RGS7: variants seen among roughly 807,000 people sequenced by gnomAD.
The protein encoded by RGS7 is regulator of G protein signaling 7, also known as regulator of G-protein signaling 7.
RGS7 carries 27 observed loss-of-function variants against 81.1 expected under a neutral mutation model. That is an observed-to-expected ratio of 0.33 (90% CI 0.25 to 0.46). The LOEUF is 0.46. RGS7 is among the 20% of genes least tolerant of loss of function. The pLI, the probability that RGS7 is intolerant of heterozygous loss-of-function variation, is 1.00. For synonymous variants in RGS7, 208 were observed against 207.7 expected, an observed-to-expected ratio of 1.00 and a Z score of -0.01; for missense variants, 396 against 607.4, an observed-to-expected ratio of 0.65 and a Z score of 3.66.
At chr1:240,881,406 G>A (rs1572568815) in intron 6 of RGS7, among the ~76,000 whole-genome samples, 1 of 152,198 alleles carries the variant, frequency 6.6e-6, no homozygotes, top group East Asian at 1.9e-4. Flanking sequence ...TGTAAATGAC[G>A]AGTTAATGGG....
intron 3 of RGS7, among the ~76,000 whole-genome samples, chr1:241,050,150 CG>C (rs1416395266): frequency 2.1e-4 from 32 of 152,182 alleles, no homozygotes; most frequent in African/African-American, 7.7e-4. Context: ...CCCTAAAGAA[CG>C]TGATCCCATT....
In RGS7 at chr1:240,900,753, G is replaced by C. The variant is rs189328502; in HGVS notation, c.385+29964C>G. Among the ~76,000 whole-genome samples, 567 of 152,308 alleles carry C rather than the reference G, an allele frequency of 3.7e-3. 5 individuals are homozygous for C. Among genetic ancestry groups the C allele is most frequent in the African/African-American group, 0.013 (542 of 41,576 alleles). On this transcript the variant is annotated intron_variant, in intron 6 of 18. Transcript: ENST00000440928. ...CTACTCGGGGGTCAGGGACCCACTT[G>C]AGGAGGCGGTCTGTCCATTCTCAGA...
chr1:240,813,554 TC>T, intron 13 of RGS7, 63 bp downstream of exon 13: 1 of 969,220 alleles, frequency 1.0e-6, no homozygotes, highest in Non-Finnish European at 1.7e-6. Context: ...ATAAAATCCT[TC>T]CCATTTCACT....
rs143325836 is a variant in RGS7 at position 240,791,133 on chromosome 1, A to G, written c.*6+9508T>C. On this transcript the variant is annotated intron_variant, in intron 18 of 18. Coordinates refer to ENST00000440928, the MANE Select transcript of RGS7 (RefSeq NM_001364886.1). ...GATGAACTTTTTTTCCCCCAGGAATAATAGAGCATTCTAGAGAATGTGCTT... is the reference window on the plus strand; with the variant it reads ...GATGAACTTTTTTTCCCCCAGGAATGATAGAGCATTCTAGAGAATGTGCTT... 7.4e-3 allele frequency among the ~76,000 whole-genome samples: 1,127 copies of G among 152,324 alleles called. 8 individuals are homozygous for G. Among genetic ancestry groups the G allele is most frequent in the Middle Eastern group, 0.044 (13 of 294 alleles).
At chr1:241,127,212 C>T (rs930362696) in intron 2 of RGS7, among the ~76,000 whole-genome samples, 1 of 151,986 alleles carries the variant, frequency 6.6e-6, no homozygotes, top group African/African-American at 2.4e-5. Context: ...GTTATTCTGA[C>T]AAATAAAAAA....
chr1:241,203,375 G>T (rs2073658938), intron 2 of RGS7, among the ~76,000 whole-genome samples: 2 of 152,070 alleles, frequency 1.3e-5, no homozygotes, highest in South Asian at 2.1e-4. Context: ...TGGGACTACA[G>T]GTGCCCACCA....
chr1:240,816,261 T>G, intron 11 of RGS7, 56 bp downstream of exon 11: 1 of 1,122,000 alleles, frequency 8.9e-7, no homozygotes, highest in Non-Finnish European at 1.4e-6. Flanking sequence ...TACCCTCTGG[T>G]TTTCATAGCT....
intron 3 of RGS7, among the ~76,000 whole-genome samples, chr1:241,006,388 A>T (rs1353154373): frequency 6.6e-6 from 1 of 152,184 alleles, no homozygotes; most frequent in East Asian, 1.9e-4. Flanking sequence ...TCTCCTCAGG[A>T]GCTTTACTGT....
At chr1:241,094,948 G>T (rs1027847512) in intron 3 of RGS7, among the ~76,000 whole-genome samples, 1 of 152,180 alleles carries the variant, frequency 6.6e-6, no homozygotes, top group Non-Finnish European at 1.5e-5. Context: ...AATCTTAGGG[G>T]CAACAGAGAC....
intron 6 of RGS7, among the ~76,000 whole-genome samples, chr1:240,908,487 GAATC>G (rs1483053964): frequency 3.3e-5 from 5 of 152,108 alleles, no homozygotes; most frequent in East Asian, 1.9e-4. Flanking sequence ...ATGAATGAAT[GAATC>G]AATCAATCAA....
chr1:241,348,009 A>G (rs2083011620), intron 2 of RGS7, among the ~76,000 whole-genome samples: 1 of 152,192 alleles, frequency 6.6e-6, no homozygotes, highest in Non-Finnish European at 1.5e-5. Flanking sequence ...CTATTTGTTC[A>G]AAGTCCTTTA....
intron 3 of RGS7, among the ~76,000 whole-genome samples, chr1:241,001,131 CAT>C (rs1491432314): frequency 6.6e-6 from 1 of 152,068 alleles, no homozygotes; most frequent in African/African-American, 2.4e-5. Flanking sequence ...TGTGTGTGTT[CAT>C]GTGTGTGTGT....
intron 2 of RGS7, among the ~76,000 whole-genome samples, chr1:241,330,072 T>C (rs2081877644): frequency 6.6e-6 from 1 of 152,194 alleles, no homozygotes; most frequent in South Asian, 2.1e-4. Flanking sequence ...CTCGAGTAGC[T>C]GGGACTACAG....
chr1:240,958,480 AG>A (rs1167461476), intron 4 of RGS7, among the ~76,000 whole-genome samples: 1 of 152,128 alleles, frequency 6.6e-6, no homozygotes, highest in African/African-American at 2.4e-5. Flanking sequence ...AAATAATTTC[AG>A]CTGTTTCATG....
intron 3 of RGS7, among the ~76,000 whole-genome samples, chr1:241,086,035 G>A (rs926338020): frequency 3.3e-5 from 5 of 152,110 alleles, no homozygotes; most frequent in Non-Finnish European, 5.9e-5. Context: ...TGCTCCCCTC[G>A]GTGTTTCTGT....
chr1:240,889,738 G>T (rs1038515151), intron 6 of RGS7, among the ~76,000 whole-genome samples: 1 of 152,052 alleles, frequency 6.6e-6, no homozygotes, highest in Non-Finnish European at 1.5e-5. Context: ...AGCCCACTTG[G>T]TTCTGTTACT....
chr1:241,252,932 G>A (rs1388497744), intron 2 of RGS7, among the ~76,000 whole-genome samples: 1 of 152,152 alleles, frequency 6.6e-6, no homozygotes, highest in African/African-American at 2.4e-5. Flanking sequence ...TTGCTGAGAA[G>A]TTAGCAGTAC....
At chr1:240,816,525 T>C in intron 10 of RGS7, 110 bp from the exon 11 acceptor site, 1 of 725,232 alleles carries the variant, frequency 1.4e-6, no homozygotes, top group African/African-American at 1.8e-5. Flanking sequence ...AAAGCTTATT[T>C]GATTAAGCTT....
At chr1:241,321,460 T>C (rs1264358120) in intron 2 of RGS7, among the ~76,000 whole-genome samples, 1 of 152,162 alleles carries the variant, frequency 6.6e-6, no homozygotes, top group Non-Finnish European at 1.5e-5. Flanking sequence ...CTCCCACAGA[T>C]AACGAGATTG....
Sources: allele counts gnomAD v4.1 joint callset (sites outside exome capture counted in the v4.1 genomes callset), GRCh38; gene constraint gnomAD v4.1.1; transcripts MANE v1.5; gene names NCBI Gene and HGNC (gene_info 2026-07-23, HGNC 2026-07-21).